WDFY2: variants seen among roughly 807,000 people sequenced by gnomAD.
WDFY2 encodes the protein WD repeat and FYVE domain containing 2, also known as WD repeat and FYVE domain-containing protein 2.
A neutral mutation model predicts 56.4 loss-of-function variants in WDFY2; 36 were observed. That is an observed-to-expected ratio of 0.64 (90% confidence interval 0.49 to 0.84). The LOEUF (loss-of-function observed/expected upper bound fraction) is 0.84. Ranked by LOEUF, WDFY2 falls within the 40% of genes least tolerant of loss-of-function variation. The pLI is 0.00. For missense variants in WDFY2, 444 were observed against 512.2 expected, an observed-to-expected ratio of 0.87 and a Z score of 1.29; for synonymous variants, 176 against 183.7, an observed-to-expected ratio of 0.96 and a Z score of 0.34.
chr13:51,739,040 T>C lies in WDFY2; in HGVS notation c.599-9T>C. ...TGTGACTGATGTCTGGTTGTGTCTG[T>C]CCTCTCAGGTGGGGTGACCGCTCTC... On this transcript the variant is annotated splice_polypyrimidine_tract_variant and intron_variant, in intron 6 of 11. Transcript: ENST00000298125. 3.2e-6 allele frequency: 5 copies of C among 1,570,820 alleles called. No individual in the cohort carries two copies. The highest frequency in any genetic ancestry group is 4.3e-6 in the Non-Finnish European group (5 of 1,158,454).
chr13:51,618,638 A>G (rs555944067), intron 1 of WDFY2, among the ~76,000 whole-genome samples: 1 of 152,348 alleles, frequency 6.6e-6, no homozygotes, highest in East Asian at 1.9e-4. Context: ...CAGCTTGCCT[A>G]CCTTGTATAA....
intron 3 of WDFY2, among the ~76,000 whole-genome samples, chr13:51,702,690 C>T (rs1344891124): frequency 1.3e-5 from 2 of 152,086 alleles, no homozygotes; most frequent in Non-Finnish European, 2.9e-5. Flanking sequence ...TCTTCCCATC[C>T]CCCTTTTTTT....
chr13:51,623,466 A>T (rs1954780529), intron 1 of WDFY2, among the ~76,000 whole-genome samples: 4 of 152,172 alleles, frequency 2.6e-5, no homozygotes, highest in Admixed American at 2.6e-4. Context: ...AGTTGTGAGG[A>T]TTCAGTGAGT....
chr13:51,681,622 G>GA (rs1955977982), intron 3 of WDFY2, among the ~76,000 whole-genome samples: 1 of 152,074 alleles, frequency 6.6e-6, no homozygotes, highest in South Asian at 2.1e-4. Context: ...ACAGCGTTAA[G>GA]TAGACATTTT....
intron 1 of WDFY2, among the ~76,000 whole-genome samples, chr13:51,633,277 G>A (rs1954987910): frequency 6.6e-6 from 1 of 152,200 alleles, no homozygotes; most frequent in South Asian, 2.1e-4. Flanking sequence ...GGGGATCCTG[G>A]TGGACTTGGC....
rs57603685 is a variant in WDFY2, at chr13:51,735,799, C to T, written c.599-3250C>T. Among the ~76,000 whole-genome samples, 1,492 of 152,248 alleles carry T rather than the reference C, an allele frequency of 9.8e-3. 14 individuals carry two copies. The highest frequency in any genetic ancestry group is 0.03 in the East Asian group (155 of 5,174). ...ACATTTATATAGAGCAGGCATGGGA[C>T]CCCAGAGTTATTTACTCCCTACACC... On this transcript the variant is annotated intron_variant, in intron 6 of 11. Coordinates refer to ENST00000298125, the MANE Select transcript of WDFY2 (RefSeq NM_052950.4).
chr13:51,732,852 C>T (rs1408952681), intron 6 of WDFY2, among the ~76,000 whole-genome samples: 1 of 152,156 alleles, frequency 6.6e-6, no homozygotes, highest in Non-Finnish European at 1.5e-5. Context: ...TAATCTTTGC[C>T]CTTATCCATC....
intron 4 of WDFY2, among the ~76,000 whole-genome samples, chr13:51,713,446 C>A (rs920105626): frequency 6.6e-6 from 1 of 152,124 alleles, no homozygotes; most frequent in Admixed American, 6.5e-5. Flanking sequence ...CCTAAATGCC[C>A]ATCAACACAT....
At chr13:51,653,046 C>T (rs1955429065) in intron 1 of WDFY2, among the ~76,000 whole-genome samples, 1 of 152,208 alleles carries the variant, frequency 6.6e-6, no homozygotes, top group African/African-American at 2.4e-5. Context: ...GTACACCAAT[C>T]AGACGTAGAT....
chr13:51,672,073 T>C (rs894614268), intron 2 of WDFY2, among the ~76,000 whole-genome samples: 2 of 152,210 alleles, frequency 1.3e-5, no homozygotes, highest in Non-Finnish European at 2.9e-5. Context: ...CGTGAGCCGC[T>C]GCAGCTGGCC....
At chr13:51,699,513 A>C (rs1257330755) in intron 3 of WDFY2, among the ~76,000 whole-genome samples, 1 of 152,234 alleles carries the variant, frequency 6.6e-6, no homozygotes, top group South Asian at 2.1e-4. Flanking sequence ...TTTTCAGAGA[A>C]CCAGGCTACA....
intron 3 of WDFY2, among the ~76,000 whole-genome samples, chr13:51,680,338 G>A (rs192686090): frequency 1.5e-4 from 23 of 152,232 alleles, no homozygotes; most frequent in Admixed American, 9.8e-4. Flanking sequence ...CTAGGCTCAC[G>A]GGATCCTCCC....
chr13:51,650,321 C>T (rs1284306461), intron 1 of WDFY2, among the ~76,000 whole-genome samples: 1 of 152,152 alleles, frequency 6.6e-6, no homozygotes, highest in Non-Finnish European at 1.5e-5. Context: ...TGGGCTGAGA[C>T]AATGGGGTTT....
intron 1 of WDFY2, among the ~76,000 whole-genome samples, chr13:51,631,089 GT>G (rs1218321443): frequency 1.4e-5 from 2 of 143,610 alleles, no homozygotes; most frequent in African/African-American, 5.0e-5. Flanking sequence ...AAGCTTTTCT[GT>G]TTTTTAAGGA....
At chr13:51,695,652 A>T (rs1394450429) in intron 3 of WDFY2, among the ~76,000 whole-genome samples, 2 of 152,196 alleles carry the variant, frequency 1.3e-5, no homozygotes, top group Non-Finnish European at 2.9e-5. Flanking sequence ...CCACCTGAGG[A>T]GGCAGTCTGC....
intron 5 of WDFY2, among the ~76,000 whole-genome samples, chr13:51,721,234 C>T (rs1417934943): frequency 3.9e-5 from 6 of 152,116 alleles, no homozygotes; most frequent in African/African-American, 1.4e-4. Flanking sequence ...GTAGGAAAAT[C>T]CTCACAAGAA....
At chr13:51,616,031 C>T (rs1391375901) in intron 1 of WDFY2, among the ~76,000 whole-genome samples, 2 of 152,174 alleles carry the variant, frequency 1.3e-5, no homozygotes, top group African/African-American at 2.4e-5. Context: ...ATCACTTGAG[C>T]CCAGAAGTTC....
At chr13:51,653,367 G>A (rs539367045) in intron 1 of WDFY2, among the ~76,000 whole-genome samples, 1 of 152,162 alleles carries the variant, frequency 6.6e-6, no homozygotes, top group Non-Finnish European at 1.5e-5. Context: ...CCTTTAGCTC[G>A]GAAAAGTTTG....
At chr13:51,637,186 A>G (rs753781709) in intron 1 of WDFY2, among the ~76,000 whole-genome samples, 99 of 152,350 alleles carry the variant, frequency 6.5e-4, no homozygotes, top group Admixed American at 1.3e-4. Flanking sequence ...ACATAGAGGT[A>G]TGATGAGTTA....
Sources: allele counts gnomAD v4.1 joint callset (sites outside exome capture counted in the v4.1 genomes callset), GRCh38; gene constraint gnomAD v4.1.1; transcripts MANE v1.5; gene names NCBI Gene and HGNC (gene_info 2026-07-23, HGNC 2026-07-21).